TM9SF2: variants seen among roughly 807,000 people sequenced by gnomAD.
TM9SF2 encodes 76 kDa membrane protein.
In TM9SF2, 13 loss-of-function variants were observed where a neutral mutation model predicts 84.9. The ratio of observed to expected loss-of-function variants is 0.15; its 90% CI spans 0.10 to 0.24. The LOEUF (loss-of-function observed/expected upper bound fraction) is 0.24, where lower values mean the gene tolerates loss of function less well. TM9SF2 is among the 10% of genes least tolerant of loss of function. The probability of loss-of-function intolerance (pLI) is 1.00; values close to 1 mark genes in which losing one functional copy is unlikely to be tolerated. For missense variants in TM9SF2, 562 were observed against 818.5 expected, an observed-to-expected ratio of 0.69 and a Z score of 3.82; for synonymous variants, 273 against 285.8, an observed-to-expected ratio of 0.96 and a Z score of 0.45.
At chr13:99,532,040 G>A (rs1055258948) in intron 4 of TM9SF2, among the ~76,000 whole-genome samples, 26 of 151,368 alleles carry the variant, frequency 1.7e-4, no homozygotes, top group Non-Finnish European at 2.2e-4. Flanking sequence ...GTTAAGGTCT[G>A]TGGATGATTT....
At chr13:99,518,122 A>G (rs865987972) in intron 2 of TM9SF2, among the ~76,000 whole-genome samples, 2 of 151,878 alleles carry the variant, frequency 1.3e-5, no homozygotes. Flanking sequence ...TTTTATTTTT[A>G]TTTTTTTGAG....
Position 99,539,457 on chromosome 13 carries a change from C to A in TM9SF2, c.728C>A (p.Thr243Asn), listed in dbSNP as rs2046248981. The A allele has an allele frequency of 6.2e-7, 1 of 1,609,476 alleles. No individual in the cohort carries two copies. Among genetic ancestry groups the A allele is most frequent in the Admixed American group, 1.7e-5 (1 of 59,964 alleles). Reference protein sequence around the residue: ...AKLEPKSFKHTHIDKPDCSGP... With the variant: ...AKLEPKSFKHNHIDKPDCSGP... ...GTTTCTTCCCACAGCTTCAAACATACCCATATAGATAAACCAGACTGCTCA... is the reference window on the plus strand; with the variant it reads ...GTTTCTTCCCACAGCTTCAAACATAACCATATAGATAAACCAGACTGCTCA... Residue 243 changes from threonine to asparagine, a missense_variant, in exon 7 of 17, where the codon ACC (threonine) becomes AAC (asparagine). By Grantham distance (65) the Thr-to-Asn change is moderately conservative (BLOSUM62 0). Coordinates refer to ENST00000376387, the MANE Select transcript of TM9SF2 (RefSeq NM_004800.3).
intron 9 of TM9SF2, 86 bp downstream of exon 9, chr13:99,541,753 CT>C (rs1235638417): frequency 4.9e-5 from 42 of 856,306 alleles, no homozygotes; most frequent in African/African-American, 4.8e-4. Flanking sequence ...GCTTTAGAAT[CT>C]GCTTTTAAAA....
intron 13 of TM9SF2, among the ~76,000 whole-genome samples, chr13:99,553,384 C>T (rs775824907): frequency 4.6e-5 from 7 of 152,116 alleles, no homozygotes; most frequent in Non-Finnish European, 8.8e-5. Flanking sequence ...TGACTTTATA[C>T]CTCAGAAGTA....
chr13:99,559,382 G>A lies in TM9SF2; in HGVS notation c.1772G>A (p.Arg591His), dbSNP rs1207570309. 2.5e-6 allele frequency: 4 copies of A among 1,594,866 alleles called. No homozygotes were observed. The highest frequency in any genetic ancestry group is 8.5e-7 in the Non-Finnish European group (1 of 1,173,036). ...ACCTAGGATTATCATTGGCAATGGC[G>A]TTCATTCCTTACGAGTGGCTTTACT... Reference protein sequence around the residue: ...LCAEDYHWQWRSFLTSGFTAV... With the variant: ...LCAEDYHWQWHSFLTSGFTAV... Residue 591 changes from arginine to histidine, a missense_variant, in exon 16 of 17, where the codon CGT (arginine) becomes CAT (histidine). By Grantham distance (29) the Arg-to-His change is conservative. Transcript: ENST00000376387.
chr13:99,512,270 C>T (rs145343962), intron 1 of TM9SF2, among the ~76,000 whole-genome samples: 206 of 152,266 alleles, frequency 1.4e-3, no homozygotes, highest in Non-Finnish European at 2.6e-3. Context: ...CCAGCTTCTG[C>T]GTGTACTGTT....
chr13:99,519,359 A>G (rs555849467), intron 2 of TM9SF2, among the ~76,000 whole-genome samples: 2 of 151,376 alleles, frequency 1.3e-5, no homozygotes, highest in South Asian at 2.1e-4. Context: ...ATCTGTTACT[A>G]TTACTGTACT....
At chr13:99,531,670 G>GT (rs1398940017) in intron 4 of TM9SF2, among the ~76,000 whole-genome samples, 2 of 152,132 alleles carry the variant, frequency 1.3e-5, no homozygotes, top group Non-Finnish European at 2.9e-5. Context: ...GAGGGAGATG[G>GT]TGCTGTTAGA....
chr13:99,537,127 CTT>C (rs1314114359), intron 5 of TM9SF2, among the ~76,000 whole-genome samples: 24 of 87,186 alleles, frequency 2.8e-4, no homozygotes, highest in African/African-American at 9.6e-4. Flanking sequence ...ACCTATGTGT[CTT>C]TGAGGCCATT....
chr13:99,514,087 A>T (rs986701569), intron 1 of TM9SF2: 1 of 152,252 alleles, frequency 6.6e-6, no homozygotes, highest in Non-Finnish European at 1.5e-5. Context: ...TTGGTCAACG[A>T]CAGACCAGTG....
chr13:99,537,880 T>A lies in TM9SF2; in HGVS notation c.716+17T>A. ...ACCGAAAAGGTAATTATATTAATGA[T>A]AAAAAGTAAACAAGTATAAGTGAAA... On this transcript the variant is annotated intron_variant, in intron 6 of 16. Coordinates refer to ENST00000376387, the MANE Select transcript of TM9SF2 (RefSeq NM_004800.3). The A allele has an allele frequency of 6.3e-7, 1 of 1,596,432 alleles. No homozygotes were observed. The highest frequency in any genetic ancestry group is 8.5e-7 in the Non-Finnish European group (1 of 1,175,494).
At chr13:99,537,206 G>C (rs996864912) in intron 5 of TM9SF2, among the ~76,000 whole-genome samples, 2 of 152,090 alleles carry the variant, frequency 1.3e-5, no homozygotes, top group African/African-American at 4.8e-5. Context: ...ACTAGGTGGG[G>C]ATATATATTA....
intron 16 of TM9SF2, among the ~76,000 whole-genome samples, chr13:99,560,168 CCTTT>C (rs773939651): frequency 4.6e-5 from 7 of 152,312 alleles, no homozygotes; most frequent in Non-Finnish European, 1.0e-4. Context: ...ATAGCACCTT[CCTTT>C]GTCACAAGTA....
chr13:99,538,031 A>C (rs1001679315), intron 6 of TM9SF2, among the ~76,000 whole-genome samples, 168 bp downstream of exon 6: 10 of 152,226 alleles, frequency 6.6e-5, no homozygotes, highest in African/African-American at 2.2e-4. Context: ...AGAAAACCAT[A>C]CCAATAGTTA....
intron 1 of TM9SF2, among the ~76,000 whole-genome samples, chr13:99,506,493 G>C (rs970605027): frequency 2.0e-5 from 3 of 152,092 alleles, no homozygotes; most frequent in African/African-American, 7.2e-5. Flanking sequence ...TCCAGCAATT[G>C]TTTCTTCTTC....
intron 7 of TM9SF2, among the ~76,000 whole-genome samples, chr13:99,540,151 A>C (rs532252548): frequency 6.6e-6 from 1 of 152,294 alleles, no homozygotes; most frequent in East Asian, 1.9e-4. Flanking sequence ...CTTAAAATGC[A>C]AGTTTATCAT....
At chr13:99,501,861 G>A (rs2046067571) in intron 1 of TM9SF2, 84 bp downstream of exon 1, 1 of 1,525,142 alleles carries the variant, frequency 6.6e-7, no homozygotes, top group Non-Finnish European at 8.7e-7. Context: ...TCGGGTGGGA[G>A]CGAGGGAAGG....
intron 9 of TM9SF2, 147 bp downstream of exon 9, chr13:99,541,814 A>G: frequency 1.9e-6 from 1 of 526,182 alleles, no homozygotes; most frequent in Non-Finnish European, 3.3e-6. Flanking sequence ...CTCAAAAGTT[A>G]TCTTGAATTC....
At chr13:99,527,863 C>T (rs1043732687) in intron 3 of TM9SF2, among the ~76,000 whole-genome samples, 1 of 152,178 alleles carries the variant, frequency 6.6e-6, no homozygotes, top group African/African-American at 2.4e-5. Flanking sequence ...GTTACTGCGC[C>T]CATTTTACAC....
Sources: allele counts gnomAD v4.1 joint callset (sites outside exome capture counted in the v4.1 genomes callset), GRCh38; gene constraint gnomAD v4.1.1; transcripts MANE v1.5; gene names NCBI Gene and HGNC (gene_info 2026-07-23, HGNC 2026-07-21).